The following SPAG16 variants were observed in gnomAD, a reference collection of about 807,000 sequenced individuals.
The protein encoded by SPAG16 is sperm-associated antigen 16 protein.
A neutral mutation model predicts 80.4 loss-of-function variants in SPAG16; 86 were observed. That is an observed-to-expected ratio of 1.07 (90% CI 0.90 to 1.28). The LOEUF is 1.28. Ranked by LOEUF, SPAG16 falls within the 50% of genes most tolerant of loss-of-function variation. The pLI is 0.00. For missense variants in SPAG16, 870 were observed against 765.3 expected, an observed-to-expected ratio of 1.14 and a Z score of -1.61; for synonymous variants, 294 against 265.9, an observed-to-expected ratio of 1.11 and a Z score of -1.03.
intron 15 of SPAG16, among the ~76,000 whole-genome samples, chr2:214,298,580 G>A (rs1427192489): frequency 1.3e-5 from 2 of 152,186 alleles, no homozygotes; most frequent in African/African-American, 4.8e-5. Context: ...AAAAGGAACA[G>A]AGTCTTGTGA....
chr2:213,980,696 ATGTGTGTGTGTGTGTG>A (rs144847368), intron 12 of SPAG16, among the ~76,000 whole-genome samples: 16 of 101,842 alleles, frequency 1.6e-4, no homozygotes, highest in South Asian at 8.8e-4. Context: ...TATAGAATAT[ATGTGTGTGTGTGTGTG>A]TATATATATA....
chr2:213,705,989 T>C (rs1293965277), intron 10 of SPAG16, among the ~76,000 whole-genome samples: 1 of 152,156 alleles, frequency 6.6e-6, no homozygotes, highest in African/African-American at 2.4e-5. Flanking sequence ...GCAAACAATA[T>C]AGATAATTGC....
intron 10 of SPAG16, among the ~76,000 whole-genome samples, chr2:213,606,363 C>T (rs532136125): frequency 6.6e-5 from 10 of 152,294 alleles, no homozygotes; most frequent in South Asian, 4.1e-4. Context: ...GAAAAATTCA[C>T]GCTCCCACAA....
intron 14 of SPAG16, among the ~76,000 whole-genome samples, chr2:214,140,311 G>C (rs1222855543): frequency 1.3e-5 from 2 of 148,938 alleles, no homozygotes; most frequent in Non-Finnish European, 3.0e-5. Flanking sequence ...GTAATTTTTA[G>C]TTTCTAATTT....
At chr2:213,577,663 T>C (rs1408584670) in intron 10 of SPAG16, among the ~76,000 whole-genome samples, 1 of 152,156 alleles carries the variant, frequency 6.6e-6, no homozygotes, top group Admixed American at 6.6e-5. Flanking sequence ...TACTCTGATA[T>C]TAGTCATTAA....
intron 10 of SPAG16, among the ~76,000 whole-genome samples, chr2:213,784,763 G>T (rs1436876864): frequency 6.6e-6 from 1 of 151,180 alleles, no homozygotes; most frequent in Non-Finnish European, 1.5e-5. Flanking sequence ...CACCTCCATT[G>T]TACTGGAAAC....
Position 214,174,676 on chromosome 2 carries a change from A to G in SPAG16, c.1720+25410A>G, listed in dbSNP as rs573933112. ...CTCACTCACATCAATCCAATGTGAG[A>G]AGGATTCTGTGCCATACATACAGTA... On this transcript the variant is annotated intron_variant, in intron 15 of 15. Coordinates refer to ENST00000331683, the MANE Select transcript of SPAG16 (RefSeq NM_024532.5). 1.6e-4 allele frequency among the ~76,000 whole-genome samples: 24 copies of G among 151,858 alleles called. 1 individual carries two copies. In the South Asian group the frequency reaches 2.3e-3, roughly 14 times the overall value.
intron 10 of SPAG16, among the ~76,000 whole-genome samples, chr2:213,505,169 T>C (rs2074917372): frequency 6.6e-6 from 1 of 152,142 alleles, no homozygotes; most frequent in Admixed American, 6.5e-5. Context: ...ACCTTTAATT[T>C]CACCTGGACT....
chr2:213,413,624 C>T lies in SPAG16; in HGVS notation c.942+38505C>T, dbSNP rs369806894. 9.3e-4 allele frequency among the ~76,000 whole-genome samples: 142 copies of T among 152,202 alleles called. No individual in the cohort carries two copies. The South Asian group carries it at 0.011, about 12-fold the overall frequency. ...TTTAAAAGATATTACGAGCCAAGCA[C>T]TTGTAGCACAGACTAGTGCATAATT... On this transcript the variant is annotated intron_variant, in intron 9 of 15. Coordinates refer to ENST00000331683, the MANE Select transcript of SPAG16 (RefSeq NM_024532.5).
intron 9 of SPAG16, among the ~76,000 whole-genome samples, chr2:213,439,588 TTTC>T (rs1035768245): frequency 2.6e-4 from 40 of 152,220 alleles, no homozygotes; most frequent in African/African-American, 9.4e-4. Flanking sequence ...TGTGGTCTGT[TTTC>T]TTCTTCCTGC....
At chr2:214,286,539 G>A (rs905731091) in intron 15 of SPAG16, among the ~76,000 whole-genome samples, 2 of 152,182 alleles carry the variant, frequency 1.3e-5, no homozygotes, top group Admixed American at 6.5e-5. Context: ...TTGAAGCCAG[G>A]AGTTGGAGAC....
At chr2:213,488,665 C>T (rs1176564484) in intron 9 of SPAG16, among the ~76,000 whole-genome samples, 1 of 151,946 alleles carries the variant, frequency 6.6e-6, no homozygotes, top group Non-Finnish European at 1.5e-5. Context: ...AGTAATTAAA[C>T]CACAGTGTTA....
intron 12 of SPAG16, among the ~76,000 whole-genome samples, chr2:213,979,841 A>T (rs576460218): frequency 7.8e-4 from 119 of 152,152 alleles, no homozygotes; most frequent in African/African-American, 2.7e-3. Flanking sequence ...TGTTTTCCAT[A>T]GTACATAATA....
intron 15 of SPAG16, among the ~76,000 whole-genome samples, chr2:214,166,814 G>A (rs1464365612): frequency 1.3e-5 from 2 of 152,094 alleles, no homozygotes; most frequent in Admixed American, 1.3e-4. Flanking sequence ...AATATATAAC[G>A]AGTTTTCAAT....
intron 12 of SPAG16, among the ~76,000 whole-genome samples, chr2:213,956,847 A>G (rs566337909): frequency 3.9e-5 from 6 of 151,998 alleles, no homozygotes; most frequent in Non-Finnish European, 7.4e-5. Flanking sequence ...TTCTGTTTTC[A>G]TTCATCTCTA....
intron 5 of SPAG16, among the ~76,000 whole-genome samples, chr2:213,333,825 A>G (rs1282936847): frequency 3.3e-5 from 5 of 152,246 alleles, no homozygotes; most frequent in Admixed American, 2.0e-4. Context: ...CTGGAATACT[A>G]TGTCTCATCA....
intron 12 of SPAG16, among the ~76,000 whole-genome samples, chr2:213,985,648 A>T (rs571568963): frequency 6.6e-6 from 1 of 152,246 alleles, no homozygotes; most frequent in African/African-American, 2.4e-5. Flanking sequence ...TTAGAAGCTG[A>T]AACAATGAAA....
chr2:213,779,346 C>A (rs1383631684), intron 10 of SPAG16, among the ~76,000 whole-genome samples: 1 of 152,146 alleles, frequency 6.6e-6, no homozygotes, highest in Non-Finnish European at 1.5e-5. Context: ...ATGGCTTAAG[C>A]TGCAAATTAG....
At chr2:213,673,724 C>T (rs1163997009) in intron 10 of SPAG16, among the ~76,000 whole-genome samples, 3 of 151,982 alleles carry the variant, frequency 2.0e-5, no homozygotes, top group African/African-American at 7.2e-5. Context: ...GTAATAGTTA[C>T]TTTATACATT....
Sources: allele counts gnomAD v4.1 joint callset (sites outside exome capture counted in the v4.1 genomes callset), GRCh38; gene constraint gnomAD v4.1.1; transcripts MANE v1.5; gene names NCBI Gene and HGNC (gene_info 2026-07-23, HGNC 2026-07-21).